The following ZC3H7B variants were observed in gnomAD, a reference collection of about 807,000 sequenced individuals.
ZC3H7B encodes the protein zinc finger CCCH domain-containing protein 7B.
In ZC3H7B, 35 loss-of-function variants were observed where a neutral mutation model predicts 116.0. That is an observed-to-expected ratio of 0.30 (90% CI 0.23 to 0.40). ZC3H7B has a LOEUF of 0.40. ZC3H7B is among the 10% of genes least tolerant of loss of function. The pLI, the probability that ZC3H7B is intolerant of heterozygous loss-of-function variation, is 1.00. For synonymous variants in ZC3H7B, 502 were observed against 545.6 expected, an observed-to-expected ratio of 0.92 and a Z score of 1.11; for missense variants, 1,011 against 1,321.5, an observed-to-expected ratio of 0.77 and a Z score of 3.64.
At chr22:41,352,527 C>T (rs2036665535) in intron 17 of ZC3H7B, among the ~76,000 whole-genome samples, 1 of 152,222 alleles carries the variant, frequency 6.6e-6, no homozygotes, top group South Asian at 2.1e-4. Flanking sequence ...CTTTGGGAGA[C>T]TGAGGCGGGC....
intron 16 of ZC3H7B, among the ~76,000 whole-genome samples, chr22:41,350,524 T>C (rs1428245547): frequency 6.6e-6 from 1 of 152,078 alleles, no homozygotes; most frequent in Non-Finnish European, 1.5e-5. Context: ...GGTTAGATTC[T>C]AGGTGTATTT....
Position 41,327,584 on chromosome 22 carries a change from A to T in ZC3H7B, c.444+220A>T, listed in dbSNP as rs1313921628. ...CATTGTGTGTATTAACTCACCTAATACTGGCAATAACCCTAAGAGGCAGAT... is the reference window on the plus strand; with the variant it reads ...CATTGTGTGTATTAACTCACCTAATTCTGGCAATAACCCTAAGAGGCAGAT... On this transcript the variant is annotated intron_variant, in intron 5 of 22. Coordinates refer to ENST00000352645, the MANE Select transcript of ZC3H7B (RefSeq NM_017590.6). This position sits in a 1 kb window ranked among gnomAD's most constrained non-coding sequence, Gnocchi z 4.5. Among the ~76,000 whole-genome samples the T allele has an allele frequency of 6.6e-6, 1 of 152,234 alleles. No homozygotes were observed. The highest frequency in any genetic ancestry group is 2.4e-5 in the African/African-American group (1 of 41,466).
At chr22:41,332,253 T>C (rs751933767) in intron 7 of ZC3H7B, 26 bp downstream of exon 7, 1 of 1,613,510 alleles carries the variant, frequency 6.2e-7, no homozygotes, top group Non-Finnish European at 8.5e-7. Context: ...AACCAACCTG[T>C]CTCAGTTTAT....
At chr22:41,337,393 C>T (rs2036460806) in intron 7 of ZC3H7B, among the ~76,000 whole-genome samples, 1 of 152,068 alleles carries the variant, frequency 6.6e-6, no homozygotes, top group Non-Finnish European at 1.5e-5. Flanking sequence ...CTAAGCACTT[C>T]ACACATAGCA....
Position 41,346,008 on chromosome 22 carries a change from A to T in ZC3H7B, c.1465A>T (p.Ile489Phe). 6.2e-7 allele frequency: 1 copy of T among 1,614,054 alleles called. No homozygotes were observed. Among genetic ancestry groups the T allele is most frequent in the African/African-American group, 1.3e-5 (1 of 75,014 alleles). Residue 489 changes from isoleucine (I) to phenylalanine (F), a missense_variant, in exon 14 of 23, where the codon ATT becomes TTT. Physicochemically the swap from Ile to Phe is conservative, Grantham distance 21. Coordinates refer to ENST00000352645, the MANE Select transcript of ZC3H7B (RefSeq NM_017590.6). This position sits in a 1 kb window ranked among gnomAD's most constrained non-coding sequence, Gnocchi z 5.3. ...VGSYYLCKDM[I>F]NKQDCKYGDN... ...GTCCTGTTGCCTCTTTGCAGACATG[A>T]TTAACAAGCAGGACTGTAAGTACGG...
At chr22:41,331,554 C>CAAAA (rs76036983) in intron 6 of ZC3H7B, among the ~76,000 whole-genome samples, 2 of 51,308 alleles carry the variant, frequency 3.9e-5, no homozygotes, top group Admixed American at 2.3e-4. Context: ...GACTCTGCCT[C>CAAAA]AAAAAAAAAA....
In ZC3H7B at chr22:41,359,681, G is replaced by T. The variant is rs2036763284; in HGVS notation, c.*2252G>T. 1 of 152,248 alleles carries T rather than the reference G, an allele frequency of 6.6e-6. No homozygotes were observed. The highest frequency in any genetic ancestry group is 6.5e-5 in the Admixed American group (1 of 15,284). 9.4% of individuals were successfully genotyped at this position (152,248 alleles called of 1,614,324 possible). ...TCTGTCCAGGGACCCTTGGGATCTGGGGCTTCCTGGCCTGGCCAGAGCTGG... is the reference window on the plus strand; with the variant it reads ...TCTGTCCAGGGACCCTTGGGATCTGTGGCTTCCTGGCCTGGCCAGAGCTGG... On this transcript the variant is annotated 3_prime_UTR_variant, in exon 23 of 23. Transcript: ENST00000352645.
chr22:41,330,713 G>A (rs1055132510), intron 6 of ZC3H7B, among the ~76,000 whole-genome samples: 7 of 151,980 alleles, frequency 4.6e-5, no homozygotes, highest in Non-Finnish European at 5.9e-5. Flanking sequence ...AGGCCAAGGC[G>A]GGCAGATCAC....
At chr22:41,312,060 G>A (rs1249620396) in intron 1 of ZC3H7B, among the ~76,000 whole-genome samples, 1 of 151,780 alleles carries the variant, frequency 6.6e-6, no homozygotes, top group Admixed American at 6.6e-5. Context: ...GGGAGGCTGA[G>A]GCAGGAGAAT....
Position 41,349,045 on chromosome 22 carries a change from A to G in ZC3H7B, c.1767-75A>G. On this transcript the variant is annotated intron_variant, in intron 15 of 22. Coordinates refer to ENST00000352645, the MANE Select transcript of ZC3H7B (RefSeq NM_017590.6). This position sits in a 1 kb window ranked among gnomAD's most constrained non-coding sequence, Gnocchi z 4.9. ...GCCCAGGGAGAGCCTGGCACTGGGAAGGTGGCCCTACCAGGAGAGAAGGTC... is the reference window on the plus strand; with the variant it reads ...GCCCAGGGAGAGCCTGGCACTGGGAGGGTGGCCCTACCAGGAGAGAAGGTC... 1 of 1,491,472 alleles carries G rather than the reference A, an allele frequency of 6.7e-7. No homozygotes were observed. Among genetic ancestry groups the G allele is most frequent in the Non-Finnish European group, 9.1e-7 (1 of 1,096,014 alleles). The allele number at this position is 1,491,472 out of a possible 1,614,324, so 92.4% of individuals were successfully genotyped here.
chr22:41,334,214 G>A (rs906380015), intron 7 of ZC3H7B: 4 of 152,256 alleles, frequency 2.6e-5, no homozygotes, highest in Non-Finnish European at 5.9e-5. Flanking sequence ...GCACTGCTTT[G>A]TACCCAGTGT....
intron 1 of ZC3H7B, among the ~76,000 whole-genome samples, chr22:41,315,352 G>GTTTTTTTTTTTTT (rs34182958): frequency 8.4e-6 from 1 of 118,884 alleles, no homozygotes; most frequent in Non-Finnish European, 1.7e-5. Context: ...AATTTCTAGT[G>GTTTTTTTTTTTTT]TTTTTTTTTT....
chr22:41,307,946 TACC>T (rs755633402), intron 1 of ZC3H7B, among the ~76,000 whole-genome samples: 8 of 152,214 alleles, frequency 5.3e-5, no homozygotes, highest in Non-Finnish European at 1.2e-4. Flanking sequence ...AAATCCTAAC[TACC>T]ACCAACATTT....
chr22:41,359,782 G>C lies in ZC3H7B; in HGVS notation c.*2353G>C, dbSNP rs6002350. 0.081 allele frequency: 12,385 copies of C among 152,158 alleles called. 1,591 individuals carry two copies. Among genetic ancestry groups the C allele is most frequent in the African/African-American group, 0.28 (11,563 of 41,384 alleles). 9.4% of individuals were successfully genotyped at this position (152,158 alleles called of 1,614,324 possible). ...GGAGGGACAGGAAGACCCTTTTAAT[G>C]ATGAGGGTAACTATTTCAGTTGTGA... On this transcript the variant is annotated 3_prime_UTR_variant, in exon 23 of 23. Transcript: ENST00000352645.
At chr22:41,355,200 T>C (rs1259856259) in intron 17 of ZC3H7B, among the ~76,000 whole-genome samples, 3 of 152,028 alleles carry the variant, frequency 2.0e-5, no homozygotes, top group Non-Finnish European at 4.4e-5. Context: ...AGCTTTGCCA[T>C]GGGAAATGCA....
At chr22:41,343,242 G>A (rs1040060905) in intron 12 of ZC3H7B, among the ~76,000 whole-genome samples, 173 bp from the exon 13 acceptor site, 130 of 152,280 alleles carry the variant, frequency 8.5e-4, no homozygotes, top group African/African-American at 3.0e-3. Context: ...ACAGTCCCCC[G>A]GTCTCCAGGG....
Position 41,355,285 on chromosome 22 carries a change from G to C in ZC3H7B, c.2035-184G>C, listed in dbSNP as rs76874992. 7.3e-3 allele frequency among the ~76,000 whole-genome samples: 1,114 copies of C among 152,274 alleles called. 15 individuals carry two copies. The highest frequency in any genetic ancestry group is 0.026 in the African/African-American group (1,092 of 41,540). Reference sequence around the variant, plus strand: ...CACAGAGGGTGGAAAGAGGAGCCCCGTTCCAGGCCTGGCTCTCCTGGGAAG... The same window carrying C: ...CACAGAGGGTGGAAAGAGGAGCCCCCTTCCAGGCCTGGCTCTCCTGGGAAG... On this transcript the variant is annotated intron_variant, in intron 17 of 22. Coordinates refer to ENST00000352645, the MANE Select transcript of ZC3H7B (RefSeq NM_017590.6).
chr22:41,337,814 C>T (rs1187321813), intron 7 of ZC3H7B, among the ~76,000 whole-genome samples: 1 of 152,072 alleles, frequency 6.6e-6, no homozygotes, highest in Non-Finnish European at 1.5e-5. Context: ...ACCTGCTGGC[C>T]CATCCAGCCC....
At chr22:41,355,010 G>A (rs1382981467) in intron 17 of ZC3H7B, among the ~76,000 whole-genome samples, 1 of 152,226 alleles carries the variant, frequency 6.6e-6, no homozygotes, top group Admixed American at 6.5e-5. Context: ...GAGCAGTTTA[G>A]AGACTGTGGG....
Sources: gnomAD v4.1 joint callset for allele counts (sites outside exome capture counted in the v4.1 genomes callset) on GRCh38, gnomAD v4.1.1 for gene constraint, Gnocchi (gnomAD v3.1) non-coding constraint, MANE v1.5 for transcripts, NCBI Gene and HGNC (gene_info 2026-07-23, HGNC 2026-07-21) for gene names.